Variants in AKAP13 observed in about 807,000 individuals in gnomAD.
The protein encoded by AKAP13 is A-kinase anchoring protein 13.
In AKAP13, 80 loss-of-function variants were observed where a neutral mutation model predicts 264.5. That is an observed-to-expected ratio of 0.30 (90% confidence interval 0.25 to 0.36). The LOEUF (loss-of-function observed/expected upper bound fraction) is 0.36. Ranked by LOEUF, AKAP13 falls within the 10% of genes least tolerant of loss-of-function variation. AKAP13 has a pLI of 1.00. For missense variants in AKAP13, 3,712 were observed against 3,435.2 expected (o/e 1.08, Z -2.01); for synonymous variants, 1,380 against 1,250.2 (o/e 1.10, Z -2.19).
At chr15:85,689,761 C>T (rs912995645) in intron 16 of AKAP13, 3 of 152,254 alleles carry the variant, frequency 2.0e-5, no homozygotes, top group African/African-American at 7.2e-5. Context: ...AAGCACTGTC[C>T]ACACACACTG....
chr15:85,608,779 A>C (rs888224126), intron 8 of AKAP13, among the ~76,000 whole-genome samples: 11 of 152,206 alleles, frequency 7.2e-5, no homozygotes, highest in Non-Finnish European at 1.3e-4. Flanking sequence ...TATCTTGAAG[A>C]ACAATAGAAA....
intron 19 of AKAP13, among the ~76,000 whole-genome samples, chr15:85,715,293 G>C (rs562199099): frequency 6.6e-6 from 1 of 152,160 alleles, no homozygotes; most frequent in African/African-American, 2.4e-5. Flanking sequence ...GTATTCTGCT[G>C]TGTGGTGTAG....
At chr15:85,422,700 T>C (rs1567048776) in intron 1 of AKAP13, among the ~76,000 whole-genome samples, 1 of 152,224 alleles carries the variant, frequency 6.6e-6, no homozygotes, top group Non-Finnish European at 1.5e-5. Context: ...CTCTTGTGAA[T>C]AGGAGTTGCT....
At chr15:85,472,612 A>T (rs2075001823) in intron 1 of AKAP13, among the ~76,000 whole-genome samples, 1 of 152,208 alleles carries the variant, frequency 6.6e-6, no homozygotes, top group Non-Finnish European at 1.5e-5. Context: ...CCTCCCAGGT[A>T]GTTGAGACTA....
chr15:85,474,480 A>G (rs2075079527), intron 1 of AKAP13, among the ~76,000 whole-genome samples: 1 of 152,218 alleles, frequency 6.6e-6, no homozygotes, highest in Non-Finnish European at 1.5e-5. Flanking sequence ...CTTGGTGTAT[A>G]AGAGCAAGAA....
At chr15:85,478,854 G>A (rs1389751209) in intron 1 of AKAP13, among the ~76,000 whole-genome samples, 1 of 136,250 alleles carries the variant, frequency 7.3e-6, no homozygotes, top group Admixed American at 7.3e-5. Flanking sequence ...ATCATTTCCC[G>A]AAGTGTGGGT....
At chr15:85,732,670 C>T (rs899863292) in intron 30 of AKAP13, among the ~76,000 whole-genome samples, 12 of 150,252 alleles carry the variant, frequency 8.0e-5, no homozygotes, top group African/African-American at 2.9e-4. Flanking sequence ...AAGGATACAT[C>T]ATAGAATTCG....
intron 8 of AKAP13, among the ~76,000 whole-genome samples, chr15:85,630,438 A>G (rs1248234425): frequency 1.3e-5 from 2 of 152,326 alleles, no homozygotes; most frequent in East Asian, 3.9e-4. Flanking sequence ...GTCCAAGTGA[A>G]CACACATTTC....
intron 1 of AKAP13, among the ~76,000 whole-genome samples, chr15:85,462,207 C>T (rs1294113414): frequency 3.9e-5 from 6 of 152,148 alleles, no homozygotes. Context: ...CCATAGGAAG[C>T]CTTCAGTGGT....
intron 17 of AKAP13, among the ~76,000 whole-genome samples, chr15:85,704,192 A>G (rs1567204569): frequency 6.6e-6 from 1 of 152,202 alleles, no homozygotes; most frequent in Non-Finnish European, 1.5e-5. Flanking sequence ...GTGATGATCA[A>G]TGAACTGAAG....
At position 85,749,031 on chromosome 15, in the gene AKAP13, C is replaced by CGT. The variant is rs1340361515; in HGVS notation, c.*4356_*4357dup. The CGT allele has an allele frequency of 6.6e-6, 1 of 152,310 alleles. No individual in the cohort carries two copies. Among genetic ancestry groups the CGT allele is most frequent in the Non-Finnish European group, 1.5e-5 (1 of 68,086 alleles). 9.4% of individuals were successfully genotyped at this position (152,310 alleles called of 1,614,324 possible). ...GCCCGCATGGGATGCGCAGGGGAGGCGTGGGGATCCGCAGGAGGGTGGTTG... is the reference window on the plus strand; with the variant it reads ...GCCCGCATGGGATGCGCAGGGGAGGCGTGTGGGGATCCGCAGGAGGGTGGTTG... On this transcript the variant is annotated 3_prime_UTR_variant, in exon 37 of 37. Coordinates refer to ENST00000394518, the MANE Select transcript of AKAP13 (RefSeq NM_007200.5).
Position 85,708,026 on chromosome 15 carries a change from T to A in AKAP13, c.5472T>A (p.Ser1824Arg), listed in dbSNP as rs542222585. Residue 1824 changes from serine (S) to arginine (R), a missense_variant, in exon 18 of 37, where the codon AGT (serine) becomes AGA (arginine). Physicochemically the swap from Ser to Arg is moderately radical, Grantham distance 110 (BLOSUM62 -1). Transcript: ENST00000394518. This position sits in a 1 kb window ranked among gnomAD's most constrained non-coding sequence, Gnocchi z 4.3. ...GGTTTGCTTTCTTTTCAGATTGCAGTGCTTTTGTCCACAAAGGCTGCCGAG... is the reference window on the plus strand; with the variant it reads ...GGTTTGCTTTCTTTTCAGATTGCAGAGCTTTTGTCCACAAAGGCTGCCGAG... ...NKDAYTCANC[S>R]AFVHKGCRES... is the part of the protein sequence containing the mutation. 6.2e-7 allele frequency: 1 copy of A among 1,613,928 alleles called. No homozygotes were observed. The highest frequency in any genetic ancestry group is 1.3e-5 in the African/African-American group (1 of 75,050).
chr15:85,494,006 C>T (rs533676558), intron 2 of AKAP13, among the ~76,000 whole-genome samples: 42 of 152,268 alleles, frequency 2.8e-4, no homozygotes, highest in Non-Finnish European at 2.8e-4. Flanking sequence ...GTACACCTTG[C>T]GCAGAACAAG....
At chr15:85,664,874 A>G (rs2083506087) in intron 13 of AKAP13, 119 bp downstream of exon 13, 5 of 958,236 alleles carry the variant, frequency 5.2e-6, no homozygotes, top group Admixed American at 5.7e-5. Flanking sequence ...TATATGATAT[A>G]CTTAATCTAG....
At chr15:85,442,869 A>G (rs989800946) in intron 1 of AKAP13, among the ~76,000 whole-genome samples, 4 of 152,076 alleles carry the variant, frequency 2.6e-5, no homozygotes, top group African/African-American at 9.7e-5. Context: ...CTCACATTTG[A>G]TGAGCATCTA....
intron 1 of AKAP13, among the ~76,000 whole-genome samples, chr15:85,411,764 C>T (rs2071982806): frequency 6.6e-6 from 1 of 152,160 alleles, no homozygotes; most frequent in South Asian, 2.1e-4. Context: ...AATGAAACTC[C>T]ATTTTTATTT....
At chr15:85,668,644 A>T (rs1024047674) in intron 13 of AKAP13, among the ~76,000 whole-genome samples, 2 of 152,182 alleles carry the variant, frequency 1.3e-5, no homozygotes, top group African/African-American at 4.8e-5. Context: ...TCAATTTCCA[A>T]TTATTTAAAA....
chr15:85,702,171 G>A (rs1399416093), intron 17 of AKAP13: 3 of 152,108 alleles, frequency 2.0e-5, no homozygotes, highest in East Asian at 1.9e-4. Context: ...GCTCGAACCC[G>A]GGAGGCGGAG....
chr15:85,580,219 C>T lies in AKAP13; in HGVS notation c.2151C>T (p.Val717=), dbSNP rs377481573. The part of the protein sequence containing the change: ...SHCEDPQAHT[V]TSDPVRDTQE... ...GTGAAGACCCACAGGCTCATACAGT[C>T]ACCTCTGACCCTGTAAGGGATACCC... The change falls in exon 7 of 37, where the codon GTC becomes GTT. Residue 717 remains valine (V), a synonymous_variant. Coordinates refer to ENST00000394518, the MANE Select transcript of AKAP13 (RefSeq NM_007200.5). 2 of 1,614,108 alleles carry T rather than the reference C, an allele frequency of 1.2e-6. No individual in the cohort carries two copies. Among genetic ancestry groups the T allele is most frequent in the African/African-American group, 2.7e-5 (2 of 74,948 alleles).
Sources: gnomAD v4.1 joint callset for allele counts (sites outside exome capture counted in the v4.1 genomes callset) on GRCh38, gnomAD v4.1.1 for gene constraint, Gnocchi (gnomAD v3.1) non-coding constraint, MANE v1.5 for transcripts, NCBI Gene and HGNC (gene_info 2026-07-23, HGNC 2026-07-21) for gene names.